CUTC: variants seen among roughly 807,000 people sequenced by gnomAD.
The protein encoded by CUTC is cutC copper transporter, also known as copper homeostasis protein cutC homolog.
A neutral mutation model predicts 36.2 loss-of-function variants in CUTC; 27 were observed. The ratio of observed to expected loss-of-function variants is 0.75; its 90% CI spans 0.55 to 1.03. The LOEUF is 1.03. Among genes scored for constraint, CUTC ranks in the 50% least tolerant of loss-of-function variants. The pLI is 0.00. For missense variants in CUTC, 315 were observed against 343.5 expected, an observed-to-expected ratio of 0.92 and a Z score of 0.66; for synonymous variants, 114 against 118.3, an observed-to-expected ratio of 0.96 and a Z score of 0.24.
chr10:99,737,518 G>C, intron 2 of CUTC, among the ~76,000 whole-genome samples: 1 of 152,120 alleles, frequency 6.6e-6, no homozygotes, highest in South Asian at 2.1e-4. Flanking sequence ...AAGGGTGTAG[G>C]GTTGTTTTGG....
chr10:99,734,232 G>A (rs1265677179), intron 1 of CUTC, among the ~76,000 whole-genome samples: 2 of 152,026 alleles, frequency 1.3e-5, no homozygotes, highest in Admixed American at 1.3e-4. Context: ...ACCACGCCCG[G>A]CTAATTTATA....
chr10:99,733,077 G>A (rs1383333373), intron 1 of CUTC, among the ~76,000 whole-genome samples: 1 of 152,108 alleles, frequency 6.6e-6, no homozygotes, highest in African/African-American at 2.4e-5. Flanking sequence ...GGGAGGCCGA[G>A]GGGGACAGAT....
chr10:99,739,360 TTA>T (rs1404294217), intron 2 of CUTC, among the ~76,000 whole-genome samples: 1 of 152,234 alleles, frequency 6.6e-6, no homozygotes. Flanking sequence ...TTGGGAAATA[TTA>T]TGTTATTTTC....
At chr10:99,743,073 CT>C in intron 3 of CUTC, 79 bp from the exon 4 acceptor site, 1 of 1,387,446 alleles carries the variant, frequency 7.2e-7, no homozygotes, top group Non-Finnish European at 1.0e-6. Context: ...TTAGAGCCAT[CT>C]TTGTCTGGTA....
rs768315942 is a variant in CUTC at position 99,740,627 on chromosome 10, T to C, written c.193+858T>C. On this transcript the variant is annotated intron_variant, in intron 3 of 8. Transcript: ENST00000370476. ...CTGAGTATAGTTTTTTCATGTTTCT[T>C]GGACCTGTGCATTTATACTTCTCAT... 2.6e-4 allele frequency among the ~76,000 whole-genome samples: 39 copies of C among 152,144 alleles called. 1 individual carries two copies. The highest frequency in any genetic ancestry group is 4.6e-4 in the Non-Finnish European group (31 of 68,012).
In CUTC at chr10:99,755,743, G is replaced by T; in HGVS notation, c.*4G>T. ...CGCAAAGAACATCCTGGTGTAGCCA[G>T]ACCTCTCTGAGAGACATGGATATCA... On this transcript the variant is annotated 3_prime_UTR_variant, in exon 9 of 9. Coordinates refer to ENST00000370476, the MANE Select transcript of CUTC (RefSeq NM_015960.3). 1 of 1,570,464 alleles carries T rather than the reference G, an allele frequency of 6.4e-7. No homozygotes were observed. The highest frequency in any genetic ancestry group is 8.8e-7 in the Non-Finnish European group (1 of 1,141,066).
At chr10:99,751,672 A>G (rs2037419404) in intron 7 of CUTC, among the ~76,000 whole-genome samples, 2 of 152,156 alleles carry the variant, frequency 1.3e-5, no homozygotes, top group African/African-American at 4.8e-5. Context: ...AGCCTGGCCA[A>G]CATGGTGAAA....
At chr10:99,746,078 A>C (rs1024929843) in intron 5 of CUTC, among the ~76,000 whole-genome samples, 2 of 152,132 alleles carry the variant, frequency 1.3e-5, no homozygotes, top group Non-Finnish European at 2.9e-5. Flanking sequence ...CCCAAATTTG[A>C]CTCACCTGCC....
chr10:99,735,739 A>G (rs1054023611), intron 1 of CUTC, among the ~76,000 whole-genome samples: 1 of 152,148 alleles, frequency 6.6e-6, no homozygotes, highest in Non-Finnish European at 1.5e-5. Context: ...TCTTGAGACT[A>G]TATACTTTAC....
Position 99,732,244 on chromosome 10 carries a change from C to A in CUTC, c.-105C>A. On this transcript the variant is annotated 5_prime_UTR_variant, in exon 1 of 9. Coordinates refer to ENST00000370476, the MANE Select transcript of CUTC (RefSeq NM_015960.3). ...TGCTGGGGCGTAGGTGTCGGGGACG[C>A]GCGCACGGGCGCGCGCAGCTGTTGA... is the stretch of plus-strand genomic sequence containing the variant. 6.6e-7 allele frequency: 1 copy of A among 1,523,856 alleles called. No individual in the cohort carries two copies. Among genetic ancestry groups the A allele is most frequent in the Non-Finnish European group, 8.8e-7 (1 of 1,135,206 alleles). 94.4% of individuals were successfully genotyped at this position (1,523,856 alleles called of 1,614,324 possible).
chr10:99,732,320 C>T lies in CUTC; in HGVS notation c.-29C>T. 2 of 1,550,898 alleles carry T rather than the reference C, an allele frequency of 1.3e-6. No individual in the cohort carries two copies. The highest frequency in any genetic ancestry group is 2.4e-5 in the South Asian group (2 of 84,044). ...GAGCCCAAATTCCAAGTGGAAACTG[C>T]AGGCGCACGAGGGAGGAACGCGTGG... On this transcript the variant is annotated 5_prime_UTR_variant, in exon 1 of 9. Coordinates refer to ENST00000370476, the MANE Select transcript of CUTC (RefSeq NM_015960.3).
intron 7 of CUTC, among the ~76,000 whole-genome samples, chr10:99,753,801 GT>G (rs2037436029): frequency 6.6e-6 from 1 of 152,106 alleles, no homozygotes; most frequent in Admixed American, 6.6e-5. Context: ...GTAAAAATAG[GT>G]TATTTCAGCA....
chr10:99,744,201 A>G, intron 5 of CUTC, 129 bp downstream of exon 5: 1 of 674,210 alleles, frequency 1.5e-6, no homozygotes, highest in Non-Finnish European at 2.4e-6. Flanking sequence ...TTTAGATCCT[A>G]GGACTAAAAG....
rs956119519 is a variant in CUTC at position 99,732,312 on chromosome 10, G to A, written c.-37G>A. 13 of 1,550,198 alleles carry A rather than the reference G, an allele frequency of 8.4e-6. No individual in the cohort carries two copies. The highest frequency in any genetic ancestry group is 2.0e-5 in the Admixed American group (1 of 50,840). The stretch of plus-strand genomic sequence containing the variant: ...GCGCGCCGGAGCCCAAATTCCAAGT[G>A]GAAACTGCAGGCGCACGAGGGAGGA... On this transcript the variant is annotated 5_prime_UTR_variant, in exon 1 of 9. Transcript: ENST00000370476.
At chr10:99,754,233 T>C (rs983693029) in intron 7 of CUTC, among the ~76,000 whole-genome samples, 16 of 152,184 alleles carry the variant, frequency 1.1e-4, no homozygotes, top group African/African-American at 3.9e-4. Context: ...TTCTTTTTAA[T>C]TTGATTTTGC....
chr10:99,752,482 A>G (rs1409534966), intron 7 of CUTC, among the ~76,000 whole-genome samples: 1 of 152,158 alleles, frequency 6.6e-6, no homozygotes, highest in Non-Finnish European at 1.5e-5. Context: ...GAAAGTATAT[A>G]TTATCTGTCA....
At chr10:99,740,672 G>C (rs767843) in intron 3 of CUTC, among the ~76,000 whole-genome samples, 146,802 of 152,228 alleles carry the variant, frequency 0.96, 70,997 homozygotes, top group East Asian at 1. Context: ...AAAATTTTCA[G>C]CTTGCAGCTT....
At chr10:99,734,784 A>C (rs2037281102) in intron 1 of CUTC, among the ~76,000 whole-genome samples, 1 of 152,100 alleles carries the variant, frequency 6.6e-6, no homozygotes, top group Non-Finnish European at 1.5e-5. Flanking sequence ...GGTGTGGGTG[A>C]TGATAAAGAT....
At chr10:99,753,529 C>T (rs563322309) in intron 7 of CUTC, among the ~76,000 whole-genome samples, 1 of 152,308 alleles carries the variant, frequency 6.6e-6, no homozygotes, top group Non-Finnish European at 1.5e-5. Context: ...CTTACCTCAG[C>T]CTCTTGAATA....
Sources: allele counts gnomAD v4.1 joint callset (sites outside exome capture counted in the v4.1 genomes callset), GRCh38; gene constraint gnomAD v4.1.1; transcripts MANE v1.5; gene names NCBI Gene and HGNC (gene_info 2026-07-23, HGNC 2026-07-21).